The following HECW2 variants were observed in gnomAD, a reference collection of about 807,000 sequenced individuals.
HECW2 encodes the protein E3 ubiquitin-protein ligase HECW2.
A neutral mutation model predicts 175.2 loss-of-function variants in HECW2; 61 were observed. The observed-to-expected ratio is 0.35, with a 90% CI of 0.28 to 0.43. The LOEUF is 0.43. Ranked by LOEUF, HECW2 falls within the 20% of genes least tolerant of loss-of-function variation. HECW2 has a pLI of 1.00. For synonymous variants in HECW2, 671 were observed against 731.0 expected (o/e 0.92, Z 1.32); for missense variants, 1,524 against 2,000.5 (o/e 0.76, Z 4.54).
chr2:196,386,894 C>G (rs1472374024), intron 2 of HECW2, among the ~76,000 whole-genome samples: 2 of 152,054 alleles, frequency 1.3e-5, no homozygotes, highest in Non-Finnish European at 2.9e-5. Flanking sequence ...TGATTGTAGT[C>G]GTTTGCTAGA....
At chr2:196,546,696 T>C (rs1308596503) in intron 1 of HECW2, among the ~76,000 whole-genome samples, 1 of 152,068 alleles carries the variant, frequency 6.6e-6, no homozygotes, top group Non-Finnish European at 1.5e-5. Flanking sequence ...TGGTCAGGCA[T>C]GACAGCTCAA....
At chr2:196,285,679 T>C (rs973987969) in intron 14 of HECW2, among the ~76,000 whole-genome samples, 6 of 152,226 alleles carry the variant, frequency 3.9e-5, no homozygotes, top group Admixed American at 2.0e-4. Flanking sequence ...TTATTTTCTT[T>C]ATGTCTTAGA....
chr2:196,271,171 C>T, intron 17 of HECW2, 22 bp downstream of exon 17: 1 of 1,410,592 alleles, frequency 7.1e-7, no homozygotes, highest in African/African-American at 1.4e-5. Context: ...CAACTTGAAC[C>T]AAATACCAAT....
intron 3 of HECW2, among the ~76,000 whole-genome samples, chr2:196,334,722 A>C (rs2105804365): frequency 6.6e-6 from 1 of 152,348 alleles, no homozygotes; most frequent in East Asian, 1.9e-4. Context: ...TCTTGAACAT[A>C]TCAGAAAAAT....
chr2:196,276,363 C>G (rs1192333854), intron 15 of HECW2, among the ~76,000 whole-genome samples: 1 of 152,204 alleles, frequency 6.6e-6, no homozygotes, highest in Non-Finnish European at 1.5e-5. Context: ...CTTAGGGTCC[C>G]TCTCTCATAA....
chr2:196,325,252 T>A, intron 5 of HECW2, 103 bp from the exon 6 acceptor site: 1 of 809,720 alleles, frequency 1.2e-6, no homozygotes, highest in Non-Finnish European at 1.9e-6. Flanking sequence ...GAAGGAAGGA[T>A]TCATATGTCC....
intron 1 of HECW2, among the ~76,000 whole-genome samples, chr2:196,573,497 C>T (rs1326152074): frequency 6.6e-6 from 1 of 151,960 alleles, no homozygotes; most frequent in African/African-American, 2.4e-5. Flanking sequence ...AGTGCATGGA[C>T]AAGGGAGCAA....
intron 21 of HECW2, among the ~76,000 whole-genome samples, chr2:196,234,228 A>G (rs1271184405): frequency 1.7e-4 from 26 of 152,058 alleles, no homozygotes; most frequent in Non-Finnish European, 1.5e-5. Context: ...TGTTTTGGGT[A>G]TTAAGAAATT....
At chr2:196,231,764 G>A (rs912388951) in intron 21 of HECW2, among the ~76,000 whole-genome samples, 6 of 22,018 alleles carry the variant, frequency 2.7e-4, no homozygotes, top group African/African-American at 6.2e-4. Flanking sequence ...TGAGGCAGAC[G>A]GATCACAAGG....
chr2:196,198,120 G>A lies in HECW2; in HGVS notation c.*3157C>T, dbSNP rs1686746372. ...GGGATTTTTCACACTGAAAACCAAT[G>A]GTGCATTGTAGAATAGATGAAGGGA... is the stretch of plus-strand genomic sequence containing the variant. On this transcript the variant is annotated 3_prime_UTR_variant, in exon 29 of 29. Transcript: ENST00000644978. 1 of 152,102 alleles carries A rather than the reference G, an allele frequency of 6.6e-6. No individual in the cohort carries two copies. The highest frequency in any genetic ancestry group is 2.4e-5 in the African/African-American group (1 of 41,412). 9.4% of individuals were successfully genotyped at this position (152,102 alleles called of 1,614,324 possible). A position where few individuals can be genotyped will look rare whatever the true frequency, so the allele number is the denominator to read the frequency against.
At chr2:196,281,687 A>C (rs1042373797) in intron 14 of HECW2, among the ~76,000 whole-genome samples, 4 of 150,380 alleles carry the variant, frequency 2.7e-5, no homozygotes, top group Non-Finnish European at 5.9e-5. Context: ...CTTTTACCGA[A>C]ATACTTAAGA....
chr2:196,230,247 G>A (rs1034776908), intron 21 of HECW2, among the ~76,000 whole-genome samples: 1 of 152,170 alleles, frequency 6.6e-6, no homozygotes, highest in African/African-American at 2.4e-5. Flanking sequence ...ATGCTGTGAC[G>A]AAGGCAGCCT....
chr2:196,221,890 T>C (rs1204102797), intron 24 of HECW2, among the ~76,000 whole-genome samples: 2 of 152,234 alleles, frequency 1.3e-5, no homozygotes, highest in Non-Finnish European at 2.9e-5. Context: ...TAAAAAATTC[T>C]GTAGTGTGGA....
chr2:196,315,149 A>AGTGTGTGTGTGT lies in HECW2; in HGVS notation c.2434+2113_2434+2124dup, dbSNP rs58473650. On this transcript the variant is annotated intron_variant, in intron 10 of 28. Transcript: ENST00000644978. ...CTTGGTCCTACAGCACGAGTGTATG[A>AGTGTGTGTGTGT]GTGTGTGTGTGTGTGTGTGTGTGTG... Among the ~76,000 whole-genome samples, 352 of 144,816 alleles carry AGTGTGTGTGTGT rather than the reference A, an allele frequency of 2.4e-3. 2 individuals carry two copies. The highest frequency in any genetic ancestry group is 2.9e-3 in the Non-Finnish European group (190 of 66,180).
At chr2:196,225,709 T>C in intron 23 of HECW2, 63 bp downstream of exon 23, 1 of 1,053,610 alleles carries the variant, frequency 9.5e-7, no homozygotes, top group Non-Finnish European at 1.5e-6. Context: ...CAGAAGAATT[T>C]TTTCAAAAAA....
intron 1 of HECW2, among the ~76,000 whole-genome samples, chr2:196,442,584 T>C (rs1369123708): frequency 2.6e-5 from 4 of 152,220 alleles, no homozygotes; most frequent in Admixed American, 2.0e-4. Flanking sequence ...GTTTACATTA[T>C]AGCATATCTA....
In HECW2 at chr2:196,319,585, G is replaced by C; in HGVS notation, c.1305C>G (p.Thr435=). 1 of 1,614,228 alleles carries C rather than the reference G, an allele frequency of 6.2e-7. No homozygotes were observed. Among genetic ancestry groups the C allele is most frequent in the Non-Finnish European group, 8.5e-7 (1 of 1,180,034 alleles). ...AGGCACCCATGGACCTCTCAGAGCA[G>C]GTCGCTGTCCCCGGCCTGGAGTGGC... The part of the protein sequence containing the change: ...HNGHSRPGTA[T]CSERSMGASP... The change falls in exon 9 of 29, where the codon ACC becomes ACG. Residue 435 remains threonine, a synonymous_variant. Coordinates refer to ENST00000644978, the MANE Select transcript of HECW2 (RefSeq NM_001348768.2).
chr2:196,309,366 T>C (rs1188423939), intron 10 of HECW2, among the ~76,000 whole-genome samples: 1 of 152,220 alleles, frequency 6.6e-6, no homozygotes, highest in East Asian at 1.9e-4. Flanking sequence ...AACAACTCAA[T>C]GCCATTCATG....
At chr2:196,335,790 C>A (rs1206827087) in intron 3 of HECW2, among the ~76,000 whole-genome samples, 1 of 152,162 alleles carries the variant, frequency 6.6e-6, no homozygotes, top group East Asian at 1.9e-4. Context: ...TAATAAGCAT[C>A]ATTGGCCAGA....
Sources: allele counts gnomAD v4.1 joint callset (sites outside exome capture counted in the v4.1 genomes callset), GRCh38; gene constraint gnomAD v4.1.1; transcripts MANE v1.5; gene names NCBI Gene and HGNC (gene_info 2026-07-23, HGNC 2026-07-21).